TMPRSS2: variants seen among roughly 807,000 people sequenced by gnomAD.
TMPRSS2 encodes transmembrane protease serine 2.
Under a neutral mutation model 67.4 loss-of-function variants are expected in TMPRSS2, and 59 were observed. The observed-to-expected ratio is 0.88, with a 90% confidence interval of 0.71 to 1.09. The LOEUF is 1.09. Among genes scored for constraint, TMPRSS2 ranks in the 50% least tolerant of loss-of-function variants. The probability of loss-of-function intolerance (pLI) is 0.00; values close to 1 mark genes in which losing one functional copy is unlikely to be tolerated. For missense variants in TMPRSS2, 668 were observed against 642.7 expected, an observed-to-expected ratio of 1.04 and a Z score of -0.43; for synonymous variants, 257 against 257.0, an observed-to-expected ratio of 1.00 and a Z score of 0.00.
At chr21:41,467,580 G>C (rs938929445) in intron 13 of TMPRSS2, among the ~76,000 whole-genome samples, 154 bp downstream of exon 13, 5 of 152,154 alleles carry the variant, frequency 3.3e-5, no homozygotes, top group Non-Finnish European at 7.3e-5. Flanking sequence ...GGTGGACACT[G>C]GGGGGATGGG....
chr21:41,488,337 G>A (rs556260609), intron 5 of TMPRSS2, 57 bp downstream of exon 5: 24 of 1,584,212 alleles, frequency 1.5e-5, no homozygotes, highest in African/African-American at 8.1e-5. Context: ...CCCTGGACCC[G>A]GCTGCTGTCT....
At chr21:41,486,302 C>CT (rs534648425) in intron 5 of TMPRSS2, among the ~76,000 whole-genome samples, 286 of 152,038 alleles carry the variant, frequency 1.9e-3, no homozygotes, top group Non-Finnish European at 3.2e-3. Flanking sequence ...TGGGAAATAA[C>CT]TTTTTTTTGT....
chr21:41,476,255 C>T (rs996284347), intron 8 of TMPRSS2, among the ~76,000 whole-genome samples: 6 of 152,164 alleles, frequency 3.9e-5, no homozygotes, highest in African/African-American at 7.2e-5. Context: ...GGCTCACTAA[C>T]GCCACCCCCC....
intron 8 of TMPRSS2, among the ~76,000 whole-genome samples, chr21:41,473,880 TGAG>T (rs2091158104): frequency 8.0e-6 from 1 of 125,748 alleles, no homozygotes; most frequent in African/African-American, 3.1e-5. Context: ...AGTGAGGGGG[TGAG>T]GAGACGAGGA....
intron 1 of TMPRSS2, among the ~76,000 whole-genome samples, chr21:41,499,803 A>G (rs2091411176): frequency 1.3e-5 from 2 of 151,362 alleles, no homozygotes; most frequent in South Asian, 4.2e-4. Context: ...TCATTGGACG[A>G]TTTTTTTTTC....
intron 10 of TMPRSS2, 26 bp from the exon 11 acceptor site, chr21:41,470,769 G>A (rs368754334): frequency 3.7e-4 from 387 of 1,036,962 alleles, no homozygotes; most frequent in Non-Finnish European, 5.3e-4. Flanking sequence ...AAAACACAGT[G>A]AGCCAGGCGG....
intron 2 of TMPRSS2, among the ~76,000 whole-genome samples, chr21:41,495,915 T>TAA (rs35393183): frequency 8.4e-5 from 12 of 142,956 alleles, no homozygotes; most frequent in South Asian, 2.2e-4. Context: ...TCTTTAAAAT[T>TAA]AAAAAAAAAA....
At chr21:41,499,352 G>A (rs576447019) in intron 1 of TMPRSS2, among the ~76,000 whole-genome samples, 13 of 152,282 alleles carry the variant, frequency 8.5e-5, no homozygotes, top group Admixed American at 2.0e-4. Flanking sequence ...AAGATTCTTC[G>A]CTTGATCAAA....
chr21:41,470,687 G>A lies in TMPRSS2; in HGVS notation c.1132C>T (p.Leu378Phe), dbSNP rs2091125487. 1 of 1,613,508 alleles carries A rather than the reference G, an allele frequency of 6.2e-7. No homozygotes were observed. The highest frequency in any genetic ancestry group is 1.3e-5 in the African/African-American group (1 of 74,942). ...GCCCCCCACCCGGAAATCCAGCAGAGCTGTTCTGGCTGCAGCATCATGCCT... is the reference window on the plus strand; with the variant it reads ...GCCCCCCACCCGGAAATCCAGCAGAACTGTTCTGGCTGCAGCATCATGCCT... ...NPGMMLQPEQLCWISGWGATE... is the reference protein window; with the variant it reads ...NPGMMLQPEQFCWISGWGATE... The change falls in exon 11 of 14, where the codon CTC (leucine) becomes TTC (phenylalanine). Residue 378 changes from leucine to phenylalanine, a missense_variant. Transcript: ENST00000332149.
At chr21:41,467,583 G>T in intron 13 of TMPRSS2, 151 bp downstream of exon 13, 1 of 808,122 alleles carries the variant, frequency 1.2e-6, no homozygotes, top group South Asian at 1.7e-5. Flanking sequence ...GGACACTGGG[G>T]GGATGGGGCT....
At chr21:41,473,002 A>G (rs528276471) in intron 9 of TMPRSS2, among the ~76,000 whole-genome samples, 81 of 152,226 alleles carry the variant, frequency 5.3e-4, no homozygotes, top group African/African-American at 1.8e-3. Flanking sequence ...GAGACAGGAT[A>G]CCTCAGGGGG....
chr21:41,488,247 A>T, intron 5 of TMPRSS2, 147 bp downstream of exon 5: 1 of 963,976 alleles, frequency 1.0e-6, no homozygotes, highest in Non-Finnish European at 1.5e-6. Flanking sequence ...TCTGAGCCCC[A>T]GGGCTCAGCC....
chr21:41,508,155 A>G lies in TMPRSS2; in HGVS notation c.-131T>C, dbSNP rs2146521631. On this transcript the variant is annotated 5_prime_UTR_variant, in exon 1 of 14. Transcript: ENST00000332149. ...TCCGCCTCCTGCTTAGCTCGCGCCT[A>G]CTCGGCCCGGCCCGCCCTGGCTCTC... 3 of 711,700 alleles carry G rather than the reference A, an allele frequency of 4.2e-6. No individual in the cohort carries two copies. The highest frequency in any genetic ancestry group is 6.0e-6 in the Non-Finnish European group (3 of 498,092). 44.1% of individuals were successfully genotyped at this position (711,700 alleles called of 1,614,324 possible). A position where few individuals can be genotyped will look rare whatever the true frequency, so the allele number is the denominator to read the frequency against.
At chr21:41,496,657 A>T (rs550537161) in intron 2 of TMPRSS2, among the ~76,000 whole-genome samples, 1 of 151,662 alleles carries the variant, frequency 6.6e-6, no homozygotes, top group East Asian at 1.9e-4. Context: ...GACTCGCCCC[A>T]AACAGGCCAC....
chr21:41,500,296 C>A (rs1188040147), intron 1 of TMPRSS2, among the ~76,000 whole-genome samples: 1 of 152,232 alleles, frequency 6.6e-6, no homozygotes, highest in Non-Finnish European at 1.5e-5. Context: ...TGCTATATAA[C>A]TTTCCATTAA....
At chr21:41,503,623 T>C (rs2091437780) in intron 1 of TMPRSS2, among the ~76,000 whole-genome samples, 1 of 152,232 alleles carries the variant, frequency 6.6e-6, no homozygotes, top group Admixed American at 6.5e-5. Context: ...GCTTGGATTC[T>C]ATCTGGGGAA....
At chr21:41,495,086 A>G (rs955280425) in intron 2 of TMPRSS2, among the ~76,000 whole-genome samples, 10 of 151,124 alleles carry the variant, frequency 6.6e-5, no homozygotes, top group African/African-American at 7.3e-5. Context: ...AAAAAAAAGT[A>G]ATAGAAAAGA....
intron 1 of TMPRSS2, chr21:41,502,599 A>C: frequency 1.0e-6 from 1 of 984,974 alleles, no homozygotes; most frequent in Non-Finnish European, 1.2e-6. Flanking sequence ...CTAATATCAC[A>C]TTATACAACG....
At chr21:41,489,263 A>G (rs2091318960) in intron 4 of TMPRSS2, among the ~76,000 whole-genome samples, 1 of 152,172 alleles carries the variant, frequency 6.6e-6, no homozygotes, top group Admixed American at 6.5e-5. Flanking sequence ...AGGTAGAAGA[A>G]CCTGTGCTCA....
Sources: allele counts gnomAD v4.1 joint callset (sites outside exome capture counted in the v4.1 genomes callset), GRCh38; gene constraint gnomAD v4.1.1; transcripts MANE v1.5; gene names NCBI Gene and HGNC (gene_info 2026-07-23, HGNC 2026-07-21).